The following EFR3A variants were observed in gnomAD, a reference collection of about 807,000 sequenced individuals.
EFR3A encodes protein EFR3 homolog A.
In EFR3A, 76 loss-of-function variants were observed where a neutral mutation model predicts 104.4. The ratio of observed to expected loss-of-function variants is 0.73; its 90% CI spans 0.60 to 0.88. The LOEUF (loss-of-function observed/expected upper bound fraction) is 0.88. Among genes scored for constraint, EFR3A ranks in the 40% least tolerant of loss-of-function variants. The probability of loss-of-function intolerance (pLI) is 0.00; values close to 1 mark genes in which losing one functional copy is unlikely to be tolerated. For missense variants in EFR3A, 985 were observed against 1,012.5 expected (o/e 0.97, Z 0.37); for synonymous variants, 330 against 330.0 (o/e 1.00, Z 0.00).
At chr8:131,987,393 A>T (rs1820937042) in intron 17 of EFR3A, among the ~76,000 whole-genome samples, 182 bp from the exon 18 acceptor site, 2 of 152,318 alleles carry the variant, frequency 1.3e-5, no homozygotes, top group East Asian at 1.9e-4. Flanking sequence ...GGGACCACAT[A>T]CTGTGTGTTT....
chr8:131,969,609 A>C (rs1302087181), intron 9 of EFR3A, among the ~76,000 whole-genome samples: 1 of 151,236 alleles, frequency 6.6e-6, no homozygotes, highest in Non-Finnish European at 1.5e-5. Flanking sequence ...AGAACTGCAG[A>C]TATGGAGGAC....
At chr8:131,984,819 G>T in intron 15 of EFR3A, 110 bp from the exon 16 acceptor site, 1 of 954,654 alleles carries the variant, frequency 1.0e-6, no homozygotes, top group East Asian at 2.7e-5. Flanking sequence ...CTGATAAAGT[G>T]GCATTTTTGT....
chr8:131,999,744 A>T (rs1167213990), intron 19 of EFR3A, among the ~76,000 whole-genome samples: 2 of 152,174 alleles, frequency 1.3e-5, no homozygotes, highest in East Asian at 3.9e-4. Context: ...GGGAGATAAG[A>T]TTGAAGCAAA....
intron 1 of EFR3A, among the ~76,000 whole-genome samples, chr8:131,923,627 T>C (rs1292453693): frequency 6.6e-6 from 1 of 151,952 alleles, no homozygotes; most frequent in Non-Finnish European, 1.5e-5. Context: ...TAGTATAAAG[T>C]GTTTTATTTA....
intron 22 of EFR3A, among the ~76,000 whole-genome samples, chr8:132,005,048 A>G (rs902553133): frequency 1.3e-5 from 2 of 152,224 alleles, no homozygotes; most frequent in African/African-American, 4.8e-5. Flanking sequence ...TTAAACACCT[A>G]TGTTGTTCTA....
At chr8:131,984,063 A>C (rs972990273) in intron 14 of EFR3A, 76 bp from the exon 15 acceptor site, 129 of 1,329,016 alleles carry the variant, frequency 9.7e-5, no homozygotes, top group Non-Finnish European at 1.2e-4. Flanking sequence ...CTACACTGTA[A>C]AAGTATATGC....
At chr8:131,968,729 TG>T (rs1199194715) in intron 9 of EFR3A, among the ~76,000 whole-genome samples, 1 of 152,166 alleles carries the variant, frequency 6.6e-6, no homozygotes, top group Non-Finnish European at 1.5e-5. Flanking sequence ...GGTGTACTTG[TG>T]ATTAGACAGC....
At position 131,984,371 on chromosome 8, in the gene EFR3A, G is replaced by A. The variant is rs991445305; in HGVS notation, c.1737+71G>A. 1.9e-5 allele frequency: 26 copies of A among 1,348,924 alleles called. No individual in the cohort carries two copies. In the African/African-American group the frequency reaches 2.4e-4, roughly 12 times the overall value. The allele number at this position is 1,348,924 out of a possible 1,614,324, so 83.6% of individuals were successfully genotyped here. On this transcript the variant is annotated intron_variant, in intron 15 of 22. Transcript: ENST00000254624. ...CAGACAACATCTTTGAAATGTTGCCGTTATCCAAGGACATGAATTTTAAAA... is the reference window on the plus strand; with the variant it reads ...CAGACAACATCTTTGAAATGTTGCCATTATCCAAGGACATGAATTTTAAAA...
Position 131,962,113 on chromosome 8 carries a change from T to A in EFR3A, c.855+2450T>A, listed in dbSNP as rs539266995. Among the ~76,000 whole-genome samples the A allele has an allele frequency of 1.6e-3, 244 of 152,184 alleles. 1 individual carries two copies. The highest frequency in any genetic ancestry group is 2.8e-3 in the Non-Finnish European group (192 of 67,992). ...CCAGCCACTGCAAAAACATGCCAAA[T>A]TGTAAAGACCATCGAGGCTAGGAAG... On this transcript the variant is annotated intron_variant, in intron 8 of 22. Transcript: ENST00000254624.
chr8:131,999,151 A>G (rs999584811), intron 19 of EFR3A, among the ~76,000 whole-genome samples: 1 of 152,174 alleles, frequency 6.6e-6, no homozygotes, highest in Admixed American at 6.5e-5. Context: ...GATGTTATAT[A>G]TATTAAATTT....
intron 18 of EFR3A, among the ~76,000 whole-genome samples, chr8:131,989,684 A>T (rs919740420): frequency 6.6e-6 from 1 of 152,214 alleles, no homozygotes; most frequent in African/African-American, 2.4e-5. Context: ...AGTGCCTACA[A>T]TGTAATATAT....
At chr8:131,911,869 G>T (rs999575563) in intron 1 of EFR3A, among the ~76,000 whole-genome samples, 7 of 152,190 alleles carry the variant, frequency 4.6e-5, no homozygotes, top group African/African-American at 1.7e-4. Context: ...ACCCTGTCTG[G>T]CTTGGGGTCT....
intron 1 of EFR3A, among the ~76,000 whole-genome samples, chr8:131,916,002 A>G (rs1022219507): frequency 6.6e-6 from 1 of 152,166 alleles, no homozygotes; most frequent in Non-Finnish European, 1.5e-5. Flanking sequence ...CTGATGGGGA[A>G]GAAAGGTGCT....
At chr8:132,003,113 T>A in intron 21 of EFR3A, 123 bp from the exon 22 acceptor site, 1 of 749,904 alleles carries the variant, frequency 1.3e-6, no homozygotes, top group Middle Eastern at 3.8e-4. Context: ...TAAAGCATTG[T>A]GTACTTAATA....
At chr8:131,988,217 C>T (rs1458480831) in intron 18 of EFR3A, among the ~76,000 whole-genome samples, 1 of 151,600 alleles carries the variant, frequency 6.6e-6, no homozygotes, top group Non-Finnish European at 1.5e-5. Context: ...TGAAATAATT[C>T]TGTTTGAAGG....
intron 7 of EFR3A, among the ~76,000 whole-genome samples, chr8:131,958,711 ATTAG>A (rs990911702): frequency 1.3e-5 from 2 of 152,070 alleles, no homozygotes; most frequent in African/African-American, 2.4e-5. Context: ...TGTGCTGTTT[ATTAG>A]TTGTATGAAC....
At chr8:131,949,808 A>G (rs79398871) in intron 4 of EFR3A, among the ~76,000 whole-genome samples, 161 bp from the exon 5 acceptor site, 2,712 of 152,232 alleles carry the variant, frequency 0.018, 34 homozygotes, top group South Asian at 0.042. Flanking sequence ...GCAAGACCCT[A>G]TCTCAAGAAA....
At chr8:131,930,451 T>TA (rs775811898) in intron 1 of EFR3A, among the ~76,000 whole-genome samples, 4 of 115,122 alleles carry the variant, frequency 3.5e-5, no homozygotes, top group Non-Finnish European at 8.0e-5. Flanking sequence ...TGGAATGAAA[T>TA]ACAGAGAAAC....
At chr8:131,984,052 GCTACA>G in intron 14 of EFR3A, 82 bp from the exon 15 acceptor site, 1 of 1,182,008 alleles carries the variant, frequency 8.5e-7, no homozygotes, top group Non-Finnish European at 1.1e-6. Context: ...TAATAACATA[GCTACA>G]CTGTAAAAGT....
Sources: allele counts gnomAD v4.1 joint callset (sites outside exome capture counted in the v4.1 genomes callset), GRCh38; gene constraint gnomAD v4.1.1; transcripts MANE v1.5; gene names NCBI Gene and HGNC (gene_info 2026-07-23, HGNC 2026-07-21).